Variants in ZFPM2 observed in about 807,000 individuals in gnomAD.
ZFPM2 encodes zinc finger protein, FOG family member 2, also known as zinc finger protein ZFPM2.
A neutral mutation model predicts 98.6 loss-of-function variants in ZFPM2; 20 were observed. The ratio of observed to expected loss-of-function variants is 0.20; its 90% CI spans 0.14 to 0.29. The LOEUF (loss-of-function observed/expected upper bound fraction) is 0.29. Ranked by LOEUF, ZFPM2 falls within the 10% of genes least tolerant of loss-of-function variation. The probability of loss-of-function intolerance (pLI) is 1.00; values close to 1 mark genes in which losing one functional copy is unlikely to be tolerated. For missense variants in ZFPM2, 1,310 were observed against 1,388.6 expected (o/e 0.94, Z 0.90); for synonymous variants, 518 against 502.7 (o/e 1.03, Z -0.41).
At chr8:105,773,496 T>C (rs1223987127) in intron 5 of ZFPM2, among the ~76,000 whole-genome samples, 1 of 151,976 alleles carries the variant, frequency 6.6e-6, no homozygotes. Flanking sequence ...AGTAAAAAAA[T>C]AGTTTTTAAA....
intron 7 of ZFPM2, among the ~76,000 whole-genome samples, chr8:105,800,628 C>A (rs1225977609): frequency 1.3e-5 from 2 of 152,070 alleles, no homozygotes; most frequent in African/African-American, 4.8e-5. Context: ...TTTTCAATAG[C>A]AACCCTAATG....
At chr8:105,325,060 A>G (rs1055771626) in intron 1 of ZFPM2, among the ~76,000 whole-genome samples, 1 of 151,752 alleles carries the variant, frequency 6.6e-6, no homozygotes, top group African/African-American at 2.4e-5. Context: ...ATTCCAAAGG[A>G]CTAGTAGGAT....
intron 4 of ZFPM2, among the ~76,000 whole-genome samples, chr8:105,612,194 A>T (rs1212949691): frequency 6.6e-6 from 1 of 152,170 alleles, no homozygotes; most frequent in Non-Finnish European, 1.5e-5. Context: ...AAAATTTCCC[A>T]GGGATTTATA....
At chr8:105,489,448 T>TATATATATATATA (rs1489973438) in intron 3 of ZFPM2, among the ~76,000 whole-genome samples, 3 of 108,870 alleles carry the variant, frequency 2.8e-5, no homozygotes, top group African/African-American at 1.2e-4. Flanking sequence ...ATATATGTTT[T>TATATATATATATA]TATATATATA....
Position 105,548,393 on chromosome 8 carries a change from T to C in ZFPM2, c.302-12970T>C, listed in dbSNP as rs1586454458. Among the ~76,000 whole-genome samples, 5 of 152,304 alleles carry C rather than the reference T, an allele frequency of 3.3e-5. No individual in the cohort carries two copies. In the South Asian group the frequency reaches 1.0e-3, roughly 32 times the overall value. Reference sequence around the variant, plus strand: ...TTTTCCAATAATTTTTAGACTATTTTGTCCAAAATTAACATGTTTACAATA... The same window carrying C: ...TTTTCCAATAATTTTTAGACTATTTCGTCCAAAATTAACATGTTTACAATA... On this transcript the variant is annotated intron_variant, in intron 3 of 7. Coordinates refer to ENST00000407775, the MANE Select transcript of ZFPM2 (RefSeq NM_012082.4).
chr8:105,645,444 CT>C (rs2130858084), intron 5 of ZFPM2, among the ~76,000 whole-genome samples: 1 of 152,272 alleles, frequency 6.6e-6, no homozygotes, highest in East Asian at 1.9e-4. Flanking sequence ...TGCATTGTTT[CT>C]TTTCTCTTGC....
intron 5 of ZFPM2, among the ~76,000 whole-genome samples, chr8:105,757,112 G>C (rs547688547): frequency 6.6e-6 from 1 of 152,148 alleles, no homozygotes; most frequent in Non-Finnish European, 1.5e-5. Flanking sequence ...TAAAATGAAA[G>C]CTGTGGGGAA....
Position 105,794,849 on chromosome 8 carries a change from A to G in ZFPM2, c.740-3875A>G, listed in dbSNP as rs975870560. 2.6e-5 allele frequency among the ~76,000 whole-genome samples: 4 copies of G among 152,148 alleles called. 1 individual carries two copies. The highest frequency in any genetic ancestry group is 2.4e-5 in the African/African-American group (1 of 41,454). On this transcript the variant is annotated intron_variant, in intron 6 of 7. Coordinates refer to ENST00000407775, the MANE Select transcript of ZFPM2 (RefSeq NM_012082.4). The stretch of plus-strand genomic sequence containing the variant: ...TTGATCTCAGACTGCTGTGCTAGCA[A>G]TCAGTGAGGGTCCGTGGGCATAGGA...
intron 5 of ZFPM2, among the ~76,000 whole-genome samples, chr8:105,676,961 A>G (rs1451545055): frequency 6.6e-6 from 1 of 152,112 alleles, no homozygotes; most frequent in African/African-American, 2.4e-5. Context: ...TTAAAGAAGT[A>G]TAGAAGAAAC....
intron 3 of ZFPM2, among the ~76,000 whole-genome samples, chr8:105,512,568 C>A (rs1340923831): frequency 1.3e-5 from 2 of 152,080 alleles, no homozygotes; most frequent in East Asian, 3.9e-4. Context: ...TTTATGCTAG[C>A]TTTTAGTGGT....
At chr8:105,750,566 A>G (rs1812452406) in intron 5 of ZFPM2, among the ~76,000 whole-genome samples, 1 of 152,038 alleles carries the variant, frequency 6.6e-6, no homozygotes, top group Admixed American at 6.6e-5. Context: ...TTAGGAAAAT[A>G]TTTCTGTCTC....
intron 1 of ZFPM2, among the ~76,000 whole-genome samples, chr8:105,354,714 G>A (rs1217873214): frequency 1.3e-5 from 2 of 152,178 alleles, no homozygotes; most frequent in Non-Finnish European, 2.9e-5. Context: ...AACATTGTAT[G>A]TAGTAGGATG....
chr8:105,773,421 G>T (rs937675593), intron 5 of ZFPM2, among the ~76,000 whole-genome samples: 2 of 152,034 alleles, frequency 1.3e-5, no homozygotes, highest in Non-Finnish European at 1.5e-5. Context: ...AGATGTAGAA[G>T]TAATAAGCAC....
At chr8:105,641,213 G>A (rs747512622) in intron 5 of ZFPM2, among the ~76,000 whole-genome samples, 9 of 152,016 alleles carry the variant, frequency 5.9e-5, no homozygotes, top group South Asian at 2.1e-4. Flanking sequence ...GCTCAGAGCT[G>A]CAGTGTAATT....
At position 105,802,133 on chromosome 8, in the gene ZFPM2, C is replaced by G. The variant is rs778149090; in HGVS notation, c.2051C>G (p.Pro684Arg). 3.1e-6 allele frequency: 5 copies of G among 1,613,796 alleles called. No individual in the cohort carries two copies. In the Admixed American group the frequency reaches 5.0e-5, roughly 16 times the overall value. Residue 684 changes from proline (P) to arginine (R), a missense_variant, in exon 8 of 8, where the codon CCA becomes CGA. Transcript: ENST00000407775. ...CCCTTAGTGGATGGGGAAAGTGACC[C>G]AAATAAGACTACCTGTGAAGCTTGC... ...SVPLVDGESDPNKTTCEACNI... is the reference protein window; with the variant it reads ...SVPLVDGESDRNKTTCEACNI...
At chr8:105,510,578 C>T (rs73697369) in intron 3 of ZFPM2, among the ~76,000 whole-genome samples, 2,168 of 152,230 alleles carry the variant, frequency 0.014, 37 homozygotes, top group African/African-American at 0.047. Flanking sequence ...GATCTCCCCC[C>T]TTCCCTAATT....
chr8:105,487,987 T>C (rs1412833434), intron 3 of ZFPM2, among the ~76,000 whole-genome samples: 1 of 152,008 alleles, frequency 6.6e-6, no homozygotes, highest in Non-Finnish European at 1.5e-5. Flanking sequence ...ATTTTAGTTT[T>C]ACAGCAAAAT....
intron 1 of ZFPM2, among the ~76,000 whole-genome samples, chr8:105,336,671 T>C (rs960628895): frequency 3.4e-5 from 5 of 147,532 alleles, no homozygotes; most frequent in African/African-American, 1.3e-4. Context: ...TAGATTGATA[T>C]TAAAATGTAA....
At chr8:105,699,907 T>G (rs1240242396) in intron 5 of ZFPM2, among the ~76,000 whole-genome samples, 1 of 152,190 alleles carries the variant, frequency 6.6e-6, no homozygotes, top group African/African-American at 2.4e-5. Flanking sequence ...AAGAGCAATA[T>G]TTTAGGTATT....
Sources: gnomAD v4.1 joint callset for allele counts (sites outside exome capture counted in the v4.1 genomes callset) on GRCh38, gnomAD v4.1.1 for gene constraint, MANE v1.5 for transcripts, NCBI Gene and HGNC (gene_info 2026-07-23, HGNC 2026-07-21) for gene names.